SEL1L2: variants seen among roughly 807,000 people sequenced by gnomAD.
SEL1L2 encodes the protein protein sel-1 homolog 2.
In SEL1L2, 89 loss-of-function variants were observed where a neutral mutation model predicts 98.8. The ratio of observed to expected loss-of-function variants is 0.90; its 90% CI spans 0.76 to 1.07. SEL1L2 has a LOEUF of 1.07. SEL1L2 is among the 50% of genes least tolerant of loss of function. SEL1L2 has a pLI of 0.00. For synonymous variants in SEL1L2, 262 were observed against 278.5 expected, an observed-to-expected ratio of 0.94 and a Z score of 0.59; for missense variants, 788 against 812.0, an observed-to-expected ratio of 0.97 and a Z score of 0.36.
chr20:13,867,069 G>GA (rs914640789), intron 14 of SEL1L2, among the ~76,000 whole-genome samples: 15 of 150,814 alleles, frequency 9.9e-5, no homozygotes, highest in African/African-American at 9.7e-5. Flanking sequence ...GAGCCATTCT[G>GA]AAAAAAAAAT....
chr20:13,880,194 A>G (rs1375093788), intron 10 of SEL1L2, among the ~76,000 whole-genome samples: 1 of 152,212 alleles, frequency 6.6e-6, no homozygotes, highest in East Asian at 1.9e-4. Context: ...ATTCTGTAAA[A>G]TCATTTTCAA....
chr20:13,929,262 T>A (rs1428477248), intron 3 of SEL1L2, among the ~76,000 whole-genome samples: 2 of 152,118 alleles, frequency 1.3e-5, no homozygotes, highest in Non-Finnish European at 2.9e-5. Context: ...CTACTATTTT[T>A]TTTTTTAATC....
Position 13,956,104 on chromosome 20 carries a change from C to A in SEL1L2, c.86G>T (p.Arg29Ile). Reference sequence around the variant, plus strand: ...TGTGGTGACATTTCTTTCCTTTTGTCTTTTATTATGTTCCTCTGCTTTGAT... The same window carrying A: ...TGTGGTGACATTTCTTTCCTTTTGTATTTTATTATGTTCCTCTGCTTTGAT... The part of the protein sequence containing the change: ...KTIKAEEHNK[R>I]QKERNVTTQV... The change falls in exon 2 of 20, where the codon AGA (arginine) becomes ATA (isoleucine). Residue 29 changes from arginine (R) to isoleucine (I), a missense_variant. Coordinates refer to ENST00000284951, the MANE Select transcript of SEL1L2 (RefSeq NM_025229.2). The A allele has an allele frequency of 6.4e-7, 1 of 1,562,464 alleles. No homozygotes were observed. The highest frequency in any genetic ancestry group is 8.7e-7 in the Non-Finnish European group (1 of 1,148,206).
intron 2 of SEL1L2, among the ~76,000 whole-genome samples, chr20:13,933,140 C>T (rs2327808): frequency 0.36 from 54,824 of 151,762 alleles, 10,628 homozygotes; most frequent in South Asian, 0.48. Context: ...ACCTGCGAGG[C>T]GGAGGTTACA....
chr20:13,884,115 T>A (rs1459391878), intron 10 of SEL1L2, among the ~76,000 whole-genome samples: 1 of 152,146 alleles, frequency 6.6e-6, no homozygotes, highest in Admixed American at 6.5e-5. Flanking sequence ...AAATACAAAT[T>A]ATAGTACCAA....
intron 1 of SEL1L2, among the ~76,000 whole-genome samples, chr20:13,962,316 T>G (rs2050817253): frequency 6.6e-6 from 1 of 152,194 alleles, no homozygotes; most frequent in Non-Finnish European, 1.5e-5. Context: ...TTTGACCAAC[T>G]GAAATGTGGC....
At chr20:13,956,155 T>C in intron 1 of SEL1L2, 24 bp from the exon 2 acceptor site, 3 of 1,246,708 alleles carry the variant, frequency 2.4e-6, no homozygotes, top group African/African-American at 1.5e-5. Flanking sequence ...AATTTTTTTA[T>C]AAAATTTAAA....
chr20:13,965,031 A>G (rs1353264372), intron 1 of SEL1L2, among the ~76,000 whole-genome samples: 2 of 152,144 alleles, frequency 1.3e-5, no homozygotes, highest in Non-Finnish European at 2.9e-5. Context: ...CTCAGTGCTC[A>G]GTCCTCACCT....
rs2049155244 is a variant in SEL1L2 at position 13,931,770 on chromosome 20, A to T, written c.116T>A (p.Val39Glu). The change falls in exon 3 of 20, where the codon GTA becomes GAA. Residue 39 changes from valine (V) to glutamate (E), a missense_variant and splice_region_variant. Coordinates refer to ENST00000284951, the MANE Select transcript of SEL1L2 (RefSeq NM_025229.2). ...ATATTGTTTGATTTCGTTCACTGAT[A>T]CCTACAAAGAAAAAGACTGTTGCTC... ...RQKERNVTTQ[V>E]SVNEIKQYLS... 1.3e-6 allele frequency: 2 copies of T among 1,516,962 alleles called. No homozygotes were observed. Among genetic ancestry groups the T allele is most frequent in the East Asian group, 4.9e-5 (2 of 41,000 alleles). The allele number at this position is 1,516,962 out of a possible 1,614,324, so 94.0% of individuals were successfully genotyped here. A position where few individuals can be genotyped will look rare whatever the true frequency, so the allele number is the denominator to read the frequency against.
chr20:13,986,577 A>AT (rs982357112), intron 1 of SEL1L2, among the ~76,000 whole-genome samples: 2 of 152,118 alleles, frequency 1.3e-5, no homozygotes, highest in African/African-American at 2.4e-5. Context: ...TGAGCACTTC[A>AT]TTTTTTTATG....
chr20:13,859,348 A>G lies in SEL1L2; in HGVS notation c.1732T>C (p.Tyr578His), dbSNP rs774482216. ...KKDYQTAATH[Y>H]SIAANKYHNA... Reference sequence around the variant, plus strand: ...TGGTATTTGTTGGCTGCAATGCTGTAGTGTGTGGCTGCTGTTTGATAGTCT... The same window carrying G: ...TGGTATTTGTTGGCTGCAATGCTGTGGTGTGTGGCTGCTGTTTGATAGTCT... Residue 578 changes from tyrosine (Y) to histidine (H), a missense_variant, in exon 18 of 20, where the codon TAC becomes CAC. Coordinates refer to ENST00000284951, the MANE Select transcript of SEL1L2 (RefSeq NM_025229.2). 2 of 1,614,144 alleles carry G rather than the reference A, an allele frequency of 1.2e-6. No individual in the cohort carries two copies. The highest frequency in any genetic ancestry group is 2.2e-5 in the South Asian group (2 of 91,084).
chr20:13,911,058 A>G (rs890264888), intron 5 of SEL1L2, among the ~76,000 whole-genome samples: 7 of 152,186 alleles, frequency 4.6e-5, no homozygotes, highest in Admixed American at 3.9e-4. Flanking sequence ...TCCTTTATCC[A>G]ATATTCTAGA....
rs201419117 is a variant in SEL1L2 at position 13,869,545 on chromosome 20, C to A, written c.1213G>T (p.Gly405Trp). 1.9e-6 allele frequency: 3 copies of A among 1,614,050 alleles called. No individual in the cohort carries two copies. The highest frequency in any genetic ancestry group is 2.5e-6 in the Non-Finnish European group (3 of 1,179,956). The change falls in exon 14 of 20, where the codon GGG (glycine) becomes TGG (tryptophan). Residue 405 changes from glycine to tryptophan, a missense_variant. Transcript: ENST00000284951. ...AACTGGAACTGTGCGTCGGGCCACC[C>A]TTTTTCCGCAGCTTTCTGAAAGTAT... ...LKYFQKAAEK[G>W]WPDAQFQLGF...
At chr20:13,929,307 T>G (rs1343198389) in intron 3 of SEL1L2, among the ~76,000 whole-genome samples, 3 of 152,014 alleles carry the variant, frequency 2.0e-5, no homozygotes, top group Non-Finnish European at 4.4e-5. Flanking sequence ...TACACTGACT[T>G]AGTACTTTTA....
chr20:13,903,293 A>G lies in SEL1L2; in HGVS notation c.549+10489T>C, dbSNP rs1424408599. 2.0e-5 allele frequency among the ~76,000 whole-genome samples: 3 copies of G among 152,306 alleles called. No individual in the cohort carries two copies. In the East Asian group the frequency reaches 5.8e-4, roughly 29 times the overall value. ...ATTATCTATGGATGTGCTATGGTAG[A>G]TGATGATTTAGATCATCAATATCAC... On this transcript the variant is annotated intron_variant, in intron 5 of 19. Transcript: ENST00000284951.
At chr20:13,882,131 G>C (rs1476907649) in intron 10 of SEL1L2, among the ~76,000 whole-genome samples, 1 of 151,888 alleles carries the variant, frequency 6.6e-6, no homozygotes. Flanking sequence ...AAAATAAAAA[G>C]AAAAGAAAAC....
At chr20:13,898,269 A>C (rs2047509964) in intron 5 of SEL1L2, among the ~76,000 whole-genome samples, 1 of 152,194 alleles carries the variant, frequency 6.6e-6, no homozygotes, top group African/African-American at 2.4e-5. Context: ...CCAGGCAGAT[A>C]GCCCATCCCC....
rs200326312 is a variant in SEL1L2 at position 13,865,173 on chromosome 20, T to A, written c.1639A>T (p.Ile547Phe). Reference protein sequence around the residue: ...MALLLWNRAAIQGNAFARVKI... With the variant: ...MALLLWNRAAFQGNAFARVKI... ...TTTTATCTGGGTTCCATACCTTGAATGGCAGCTCGATTCCATAGGAGAAGC... is the reference window on the plus strand; with the variant it reads ...TTTTATCTGGGTTCCATACCTTGAAAGGCAGCTCGATTCCATAGGAGAAGC... The change falls in exon 17 of 20, where the codon ATT becomes TTT. Residue 547 changes from isoleucine to phenylalanine, a missense_variant. Ile to Phe is a conservative substitution (Grantham distance 21, BLOSUM62 0). Transcript: ENST00000284951. 5 of 1,611,910 alleles carry A rather than the reference T, an allele frequency of 3.1e-6. No homozygotes were observed. In the Admixed American group the frequency reaches 8.3e-5, roughly 27 times the overall value.
chr20:13,964,641 G>C (rs1362532122), intron 1 of SEL1L2, among the ~76,000 whole-genome samples: 1 of 151,630 alleles, frequency 6.6e-6, no homozygotes, highest in Non-Finnish European at 1.5e-5. Context: ...TAGTAGAGAC[G>C]GGGTTTCTCC....
Sources: gnomAD v4.1 joint callset for allele counts (sites outside exome capture counted in the v4.1 genomes callset) on GRCh38, gnomAD v4.1.1 for gene constraint, MANE v1.5 for transcripts, NCBI Gene and HGNC (gene_info 2026-07-23, HGNC 2026-07-21) for gene names.